SV2C: variants seen among roughly 807,000 people sequenced by gnomAD.
The protein encoded by SV2C is solute carrier family 22 member B3.
SV2C carries 49 observed loss-of-function variants against 79.7 expected under a neutral mutation model. The observed-to-expected ratio is 0.61, with a 90% CI of 0.49 to 0.78. The LOEUF is 0.78. Among genes scored for constraint, SV2C ranks in the 30% least tolerant of loss-of-function variants. The pLI, the probability that SV2C is intolerant of heterozygous loss-of-function variation, is 0.00. For missense variants in SV2C, 833 were observed against 912.9 expected (o/e 0.91, Z 1.13); for synonymous variants, 334 against 333.2 (o/e 1.00, Z -0.03).
chr5:75,971,635 T>C, the SV2C span, among the ~76,000 whole-genome samples: 2,303 of 152,174 alleles, frequency 0.015, 67 homozygotes, highest in African/African-American at 0.05. Flanking sequence ...GAATGACCTC[T>C]TCAAGGAGAA....
chr5:76,211,292 G>A (rs1171915704), intron 4 of SV2C, among the ~76,000 whole-genome samples: 1 of 152,128 alleles, frequency 6.6e-6, no homozygotes, highest in South Asian at 2.1e-4. Flanking sequence ...AGCTCTTACT[G>A]TTTCTGCTGC....
At chr5:76,186,006 T>C (rs1386390586) in intron 2 of SV2C, among the ~76,000 whole-genome samples, 6 of 152,202 alleles carry the variant, frequency 3.9e-5, no homozygotes. Context: ...TAAATCATCT[T>C]TCTCAAGTTC....
intron 1 of SV2C, among the ~76,000 whole-genome samples, chr5:76,102,595 G>A (rs999730522): frequency 6.6e-6 from 1 of 152,128 alleles, no homozygotes; most frequent in African/African-American, 2.4e-5. Flanking sequence ...GAAAGGAAAG[G>A]GCATAATCCC....
the SV2C span, among the ~76,000 whole-genome samples, chr5:76,007,777 C>T: frequency 1.8e-4 from 28 of 152,274 alleles, no homozygotes; most frequent in African/African-American, 6.3e-4. Context: ...GAGACCCTCT[C>T]TATGTTTGTC....
chr5:76,146,797 TAAAAAAAAAA>T (rs34569063), intron 2 of SV2C, among the ~76,000 whole-genome samples: 1 of 39,348 alleles, frequency 2.5e-5, no homozygotes, highest in Non-Finnish European at 4.2e-5. Context: ...AGTTTTTTTT[TAAAAAAAAAA>T]AAAAAAAAAA....
chr5:76,077,557 C>T, the SV2C span, among the ~76,000 whole-genome samples: 3 of 152,130 alleles, frequency 2.0e-5, no homozygotes, highest in Admixed American at 2.0e-4. Flanking sequence ...TGGCAGCACC[C>T]TTCTGGTTCT....
At position 76,131,815 on chromosome 5, in the gene SV2C, T is replaced by C. The variant is rs1322979777; in HGVS notation, c.65T>C (p.Val22Ala). Reference sequence around the variant, plus strand: ...GGTGCCAAGGACATTGCCAGAGAGGTGAAGAAACAAACAGTAAAGAAGGTG... The same window carrying C: ...GGTGCCAAGGACATTGCCAGAGAGGCGAAGAAACAAACAGTAAAGAAGGTG... Reference protein sequence around the residue: ...MKGAKDIAREVKKQTVKKVNQ... With the variant: ...MKGAKDIAREAKKQTVKKVNQ... The change falls in exon 2 of 13, where the codon GTG becomes GCG. Residue 22 changes from valine to alanine, a missense_variant. Val to Ala is a moderately conservative substitution (Grantham distance 64). Transcript: ENST00000502798. 2 of 1,613,222 alleles carry C rather than the reference T, an allele frequency of 1.2e-6. No individual in the cohort carries two copies. Among genetic ancestry groups the C allele is most frequent in the East Asian group, 4.5e-5 (2 of 44,804 alleles).
the SV2C span, among the ~76,000 whole-genome samples, chr5:76,044,251 T>C: frequency 0.18 from 28,005 of 152,276 alleles, 3,216 homozygotes; most frequent in South Asian, 0.34. Flanking sequence ...CATTACTTTT[T>C]ATGGCTGCAT....
intron 3 of SV2C, among the ~76,000 whole-genome samples, chr5:76,207,731 T>G (rs1196667250): frequency 3.3e-5 from 5 of 152,272 alleles, no homozygotes; most frequent in African/African-American, 7.2e-5. Context: ...AACTCCTGGA[T>G]TCAAGTGATC....
At chr5:76,152,107 T>C (rs1749624063) in intron 2 of SV2C, among the ~76,000 whole-genome samples, 1 of 152,108 alleles carries the variant, frequency 6.6e-6, no homozygotes, top group South Asian at 2.1e-4. Flanking sequence ...AAGGAGCAAG[T>C]GGGCACAATA....
the SV2C span, among the ~76,000 whole-genome samples, chr5:75,877,098 A>G: frequency 1.3e-5 from 2 of 152,074 alleles, no homozygotes; most frequent in African/African-American, 4.8e-5. Flanking sequence ...AAAAGGATGT[A>G]AAAAGACATA....
chr5:76,187,205 C>T (rs999987411), intron 2 of SV2C, among the ~76,000 whole-genome samples: 1 of 152,218 alleles, frequency 6.6e-6, no homozygotes, highest in African/African-American at 2.4e-5. Context: ...ATGTCTCCTC[C>T]CCTGTCTGAT....
At chr5:76,036,783 T>C in the SV2C span, among the ~76,000 whole-genome samples, 8,388 of 152,276 alleles carry the variant, frequency 0.055, 315 homozygotes, top group Non-Finnish European at 0.081. Flanking sequence ...TGAATCTGAA[T>C]GTTGGCCTGC....
At chr5:75,957,192 CT>C in the SV2C span, among the ~76,000 whole-genome samples, 38 of 151,910 alleles carry the variant, frequency 2.5e-4, no homozygotes, top group African/African-American at 8.9e-4. Flanking sequence ...TTCCTCAACC[CT>C]AGATAAGATA....
At chr5:76,250,971 C>A (rs1013727538) in intron 4 of SV2C, among the ~76,000 whole-genome samples, 1 of 152,092 alleles carries the variant, frequency 6.6e-6, no homozygotes, top group Non-Finnish European at 1.5e-5. Flanking sequence ...ACCAGGTAGA[C>A]CCCACACCTC....
chr5:76,074,697 G>T, the SV2C span, among the ~76,000 whole-genome samples: 2 of 152,190 alleles, frequency 1.3e-5, no homozygotes, highest in African/African-American at 4.8e-5. Flanking sequence ...GCCACCAGAG[G>T]AGGCTAGAGA....
intron 12 of SV2C, among the ~76,000 whole-genome samples, chr5:76,340,680 AAAGC>A (rs1421802077): frequency 3.3e-5 from 5 of 152,378 alleles, no homozygotes; most frequent in African/African-American, 1.2e-4. Context: ...AAATTGGAGA[AAAGC>A]AAGGCAGAAT....
chr5:76,347,569 C>T (rs1317611074), intron 12 of SV2C, among the ~76,000 whole-genome samples: 2 of 152,070 alleles, frequency 1.3e-5, no homozygotes, highest in African/African-American at 4.8e-5. Context: ...CTCAGCCTCC[C>T]GAGCTGGGAC....
intron 4 of SV2C, among the ~76,000 whole-genome samples, chr5:76,223,473 ATATATATATATATATATATATATG>A (rs1408078842): frequency 0.038 from 2,832 of 73,714 alleles, 99 homozygotes; most frequent in African/African-American, 0.067. Context: ...ATATATATAT[ATATATATATATATATATATATATG>A]TATATGTATA....
Sources: allele counts gnomAD v4.1 joint callset (sites outside exome capture counted in the v4.1 genomes callset), GRCh38; gene constraint gnomAD v4.1.1; transcripts MANE v1.5; gene names NCBI Gene and HGNC (gene_info 2026-07-23, HGNC 2026-07-21).